CACNA1A: variants seen among roughly 807,000 people sequenced by gnomAD.
The protein encoded by CACNA1A is calcium voltage-gated channel subunit alpha1 A, also known as voltage-dependent P/Q-type calcium channel subunit alpha-1A.
In CACNA1A, 57 loss-of-function variants were observed where a neutral mutation model predicts 262.4. The observed-to-expected ratio is 0.22, with a 90% CI of 0.18 to 0.27. CACNA1A has a LOEUF of 0.27. CACNA1A is among the 10% of genes least tolerant of loss of function. The probability of loss-of-function intolerance (pLI) is 1.00; values close to 1 mark genes in which losing one functional copy is unlikely to be tolerated. For synonymous variants in CACNA1A, 1,431 were observed against 1,419.3 expected (o/e 1.01, Z -0.18); for missense variants, 2,526 against 3,562.8 (o/e 0.71, Z 7.41).
At chr19:13,482,104 A>G (rs1174807900) in intron 1 of CACNA1A, among the ~76,000 whole-genome samples, 3 of 152,254 alleles carry the variant, frequency 2.0e-5, no homozygotes, top group South Asian at 4.1e-4. Context: ...GAAGTAAGGG[A>G]GAAAAAAAGA....
chr19:13,254,701 G>T (rs1415642542), intron 29 of CACNA1A, among the ~76,000 whole-genome samples: 5 of 152,146 alleles, frequency 3.3e-5, no homozygotes, highest in Non-Finnish European at 5.9e-5. Context: ...AGAGCTTCTT[G>T]TTCCGTCTGA....
chr19:13,431,139 AGAG>A (rs1434504808), intron 3 of CACNA1A, among the ~76,000 whole-genome samples: 1 of 151,820 alleles, frequency 6.6e-6, no homozygotes, highest in Non-Finnish European at 1.5e-5. Context: ...TTGTGAGCAA[AGAG>A]GAGCCAGGTC....
chr19:13,371,821 TGGGGGTCAGACAGCAGGGC>T (rs1383391097), intron 3 of CACNA1A, 42 bp from the exon 4 acceptor site: 1 of 1,445,358 alleles, frequency 6.9e-7, no homozygotes, highest in Admixed American at 2.0e-5. Context: ...GGGTGGGTTT[TGGGGGTCAGACAGCAGGGC>T]GGGGGTGCTT....
intron 10 of CACNA1A, among the ~76,000 whole-genome samples, chr19:13,329,418 TTC>T (rs1000646728): frequency 6.6e-6 from 1 of 152,126 alleles, no homozygotes; most frequent in Non-Finnish European, 1.5e-5. Context: ...ATTTGTGTAA[TTC>T]TCTGTTTAAT....
intron 3 of CACNA1A, 129 bp from the exon 4 acceptor site, chr19:13,371,908 C>A: frequency 1.4e-6 from 1 of 708,024 alleles, no homozygotes; most frequent in South Asian, 1.6e-5. Context: ...CTCGACACCA[C>A]TGGCCTCAGT....
chr19:13,458,262 C>T (rs772483702), intron 1 of CACNA1A, among the ~76,000 whole-genome samples: 64 of 152,210 alleles, frequency 4.2e-4, no homozygotes, highest in African/African-American at 1.2e-3. Context: ...TAGGCTCAAA[C>T]GATCCTCCTG....
intron 36 of CACNA1A, among the ~76,000 whole-genome samples, chr19:13,228,356 G>A (rs2144614708): frequency 6.6e-6 from 1 of 151,914 alleles, no homozygotes; most frequent in Admixed American, 6.6e-5. Flanking sequence ...GGAGAGAGTG[G>A]AGGTGATGGT....
At chr19:13,259,460 C>A in intron 27 of CACNA1A, 104 bp downstream of exon 27, 1 of 1,144,270 alleles carries the variant, frequency 8.7e-7, no homozygotes, top group African/African-American at 1.6e-5. Context: ...GCGTGAGCCA[C>A]CATGCCCGGC....
chr19:13,217,615 G>C (rs994465801), intron 38 of CACNA1A, among the ~76,000 whole-genome samples: 3 of 152,104 alleles, frequency 2.0e-5, no homozygotes, highest in African/African-American at 7.2e-5. Flanking sequence ...TGAGAAATCT[G>C]GGGGATCATT....
intron 15 of CACNA1A, chr19:13,307,247 T>C (rs1167772652): frequency 6.6e-6 from 1 of 152,258 alleles, no homozygotes; most frequent in Non-Finnish European, 1.5e-5. Flanking sequence ...TTTCTTTTTC[T>C]TTTTTGAGAT....
intron 1 of CACNA1A, among the ~76,000 whole-genome samples, chr19:13,472,061 C>A (rs1978286024): frequency 6.6e-6 from 1 of 152,162 alleles, no homozygotes. Flanking sequence ...CTTTGGGGCT[C>A]CAGCAATCCT....
intron 31 of CACNA1A, among the ~76,000 whole-genome samples, chr19:13,238,743 G>A (rs559946984): frequency 1.8e-4 from 28 of 151,904 alleles, no homozygotes; most frequent in African/African-American, 6.3e-4. Flanking sequence ...CTGCCACCAC[G>A]CCTGGCTAAT....
intron 3 of CACNA1A, among the ~76,000 whole-genome samples, chr19:13,421,076 T>A (rs559852232): frequency 6.6e-6 from 1 of 152,272 alleles, no homozygotes; most frequent in Admixed American, 6.5e-5. Flanking sequence ...AAATTCAAGG[T>A]CTGCCTATTC....
intron 6 of CACNA1A, among the ~76,000 whole-genome samples, chr19:13,348,631 A>G (rs1004859839): frequency 6.6e-6 from 1 of 152,130 alleles, no homozygotes; most frequent in Non-Finnish European, 1.5e-5. Context: ...AGCTCAGGAG[A>G]TCGAGACCAT....
At chr19:13,329,333 C>T (rs2058427553) in intron 10 of CACNA1A, among the ~76,000 whole-genome samples, 1 of 151,644 alleles carries the variant, frequency 6.6e-6, no homozygotes, top group South Asian at 2.1e-4. Flanking sequence ...GTAGCCTTCC[C>T]TGACTGCTCC....
intron 3 of CACNA1A, among the ~76,000 whole-genome samples, chr19:13,381,161 G>A (rs1442602804): frequency 3.3e-5 from 5 of 152,114 alleles, no homozygotes; most frequent in Admixed American, 1.3e-4. Context: ...GAGGCAGGAG[G>A]ATCGCTTGAG....
At chr19:13,481,398 G>A (rs1280525519) in intron 1 of CACNA1A, among the ~76,000 whole-genome samples, 1 of 152,244 alleles carries the variant, frequency 6.6e-6, no homozygotes, top group East Asian at 1.9e-4. Context: ...GGACCTGCTG[G>A]TCAGCTGCCA....
intron 17 of CACNA1A, 157 bp downstream of exon 17, chr19:13,303,389 G>A (rs559041445): frequency 8.5e-6 from 5 of 591,352 alleles, no homozygotes; most frequent in Admixed American, 2.9e-5. Context: ...GGAGTGGGGG[G>A]AGAGGCGCCT....
chr19:13,373,113 G>A (rs1279417480), intron 3 of CACNA1A, among the ~76,000 whole-genome samples: 2 of 152,212 alleles, frequency 1.3e-5, no homozygotes, highest in Non-Finnish European at 2.9e-5. Flanking sequence ...CAGAGGGTCT[G>A]TGGTTAATGG....
Sources: allele counts gnomAD v4.1 joint callset (sites outside exome capture counted in the v4.1 genomes callset), GRCh38; gene constraint gnomAD v4.1.1; transcripts MANE v1.5; gene names NCBI Gene and HGNC (gene_info 2026-07-23, HGNC 2026-07-21).